The following ZNF28 variants were observed in gnomAD, a reference collection of about 807,000 sequenced individuals.
ZNF28 encodes the protein zinc finger protein 28.
Under a neutral mutation model 7.2 loss-of-function variants are expected in ZNF28, and 5 were observed. That is an observed-to-expected ratio of 0.70 (90% CI 0.36 to 1.46). The LOEUF (loss-of-function observed/expected upper bound fraction) is 1.46. ZNF28 is among the 40% of genes most tolerant of loss of function. ZNF28 has a pLI of 0.03. For synonymous variants in ZNF28, 288 were observed against 292.4 expected (o/e 0.99, Z 0.15); for missense variants, 879 against 866.6 (o/e 1.01, Z -0.18).
intron 2 of ZNF28, among the ~76,000 whole-genome samples, chr19:52,811,733 C>A (rs1295572543): frequency 1.3e-5 from 2 of 149,730 alleles, no homozygotes; most frequent in Admixed American, 1.3e-4. Context: ...CGTCTCCGCC[C>A]GGCAGCCGCC....
At chr19:52,809,828 C>CGGCGGT in intron 2 of ZNF28, 1 of 551,048 alleles carries the variant, frequency 1.8e-6, no homozygotes, top group Non-Finnish European at 3.2e-6. Flanking sequence ...GCGAAGGCGG[C>CGGCGGT]GGCGGCGGCG....
chr19:52,801,877 T>C (rs1418228010), intron 3 of ZNF28, among the ~76,000 whole-genome samples, 175 bp from the exon 4 acceptor site: 1 of 152,202 alleles, frequency 6.6e-6, no homozygotes, highest in African/African-American at 2.4e-5. Context: ...CGATTATATG[T>C]CTTTCAAATC....
rs1034733946 is a variant in ZNF28 at position 52,816,579 on chromosome 19, G to A, written c.15+1365C>T. ...CTTGGGAGGCTGAGGCAGGAGAATG[G>A]CATGAACCCAGGAGGCAGAGCTTGC... On this transcript the variant is annotated intron_variant, in intron 2 of 3. Transcript: ENST00000457749. 2.8e-5 allele frequency among the ~76,000 whole-genome samples: 4 copies of A among 144,932 alleles called. 1 individual carries two copies. The highest frequency in any genetic ancestry group is 1.1e-4 in the African/African-American group (4 of 36,850).
At chr19:52,809,090 G>C (rs1296280007) in intron 2 of ZNF28, among the ~76,000 whole-genome samples, 1 of 152,144 alleles carries the variant, frequency 6.6e-6, no homozygotes, top group Non-Finnish European at 1.5e-5. Context: ...AGCAAGTTTT[G>C]TTTAACTGAA....
intron 2 of ZNF28, 63 bp from the exon 3 acceptor site, chr19:52,808,196 A>G (rs969596203): frequency 6.3e-7 from 1 of 1,596,146 alleles, no homozygotes; most frequent in Non-Finnish European, 8.5e-7. Flanking sequence ...ACAGAAAATG[A>G]CAAGAGAGGG....
intron 2 of ZNF28, chr19:52,810,513 T>G: frequency 6.3e-7 from 1 of 1,591,956 alleles, no homozygotes; most frequent in Non-Finnish European, 8.6e-7. Context: ...GGAAGGCAAA[T>G]CAAGGTGATC....
chr19:52,809,203 TC>T (rs1215919671), intron 2 of ZNF28, among the ~76,000 whole-genome samples: 1 of 152,124 alleles, frequency 6.6e-6, no homozygotes, highest in African/African-American at 2.4e-5. Context: ...GAAGAAGCAA[TC>T]ACCCTTTCAA....
At chr19:52,808,202 GA>G in intron 2 of ZNF28, 69 bp from the exon 3 acceptor site, 1 of 1,591,524 alleles carries the variant, frequency 6.3e-7, no homozygotes, top group Non-Finnish European at 8.5e-7. Context: ...AATGACAAGA[GA>G]GGGGGAAAGC....
intron 2 of ZNF28, among the ~76,000 whole-genome samples, chr19:52,813,854 G>T (rs548450983): frequency 1.4e-5 from 2 of 145,896 alleles, no homozygotes; most frequent in African/African-American, 5.4e-5. Context: ...GTTTTGTTTT[G>T]TCTTCCTTTG....
chr19:52,802,050 T>C lies in ZNF28; in HGVS notation c.143-348A>G, dbSNP rs73588344. ...ATCAAAAAAAGAAAAATATATATTC[T>C]TCATATTTACAGCGTATTTAGTGTA... On this transcript the variant is annotated intron_variant, in intron 3 of 3. Coordinates refer to ENST00000457749, the MANE Select transcript of ZNF28 (RefSeq NM_006969.5). Among the ~76,000 whole-genome samples the C allele has an allele frequency of 2.6e-3, 397 of 152,306 alleles. 4 individuals carry two copies. Among genetic ancestry groups the C allele is most frequent in the African/African-American group, 9.2e-3 (383 of 41,564 alleles).
chr19:52,801,515 T>G lies in ZNF28; in HGVS notation c.330A>C (p.Ala110=). The G allele has an allele frequency of 6.2e-7, 1 of 1,614,174 alleles. No individual in the cohort carries two copies. Reference sequence around the variant, plus strand: ...ACTCTTTGATTTCTGTCATGGGTGCTGCATGGTCATTTGTTTCATCTTCTT... The same window carrying G: ...ACTCTTTGATTTCTGTCATGGGTGCGGCATGGTCATTTGTTTCATCTTCTT... The part of the protein sequence containing the change: ...QWKEDETNDH[A]APMTEIKELT... Residue 110 remains alanine (A), a synonymous_variant, in exon 4 of 4, where the codon GCA becomes GCC. Coordinates refer to ENST00000457749, the MANE Select transcript of ZNF28 (RefSeq NM_006969.5).
chr19:52,801,462 T>C lies in ZNF28; in HGVS notation c.383A>G (p.Gln128Arg). Reference sequence around the variant, plus strand: ...AATATGCTTGTTTCCAGCATGCCTTTGATCATGTTGGCCTGTACTACCAGT... The same window carrying C: ...AATATGCTTGTTTCCAGCATGCCTTCGATCATGTTGGCCTGTACTACCAGT... ...ELTGSTGQHDQRHAGNKHIKD... is the reference protein window; with the variant it reads ...ELTGSTGQHDRRHAGNKHIKD... Residue 128 changes from glutamine (Q) to arginine (R), a missense_variant, in exon 4 of 4, where the codon CAA becomes CGA. Coordinates refer to ENST00000457749, the MANE Select transcript of ZNF28 (RefSeq NM_006969.5). 2 of 1,614,232 alleles carry C rather than the reference T, an allele frequency of 1.2e-6. No individual in the cohort carries two copies. The highest frequency in any genetic ancestry group is 1.7e-6 in the Non-Finnish European group (2 of 1,180,024).
chr19:52,811,128 G>A (rs920891839), intron 2 of ZNF28, among the ~76,000 whole-genome samples: 3 of 149,460 alleles, frequency 2.0e-5, no homozygotes, highest in Non-Finnish European at 4.5e-5. Context: ...TCCTAACCAC[G>A]AGTGATCCGC....
In ZNF28 at chr19:52,803,060, C is replaced by T. The variant is rs1371693179; in HGVS notation, c.143-1358G>A. Among the ~76,000 whole-genome samples the T allele has an allele frequency of 5.3e-5, 8 of 150,650 alleles. No individual in the cohort carries two copies. In the South Asian group the frequency reaches 6.3e-4, roughly 12 times the overall value. On this transcript the variant is annotated intron_variant, in intron 3 of 3. Coordinates refer to ENST00000457749, the MANE Select transcript of ZNF28 (RefSeq NM_006969.5). ...ATAGGCATGAGCCACCGCACACGGC[C>T]GACTTTTAAAAAAAATTTTATGTAT...
intron 2 of ZNF28, among the ~76,000 whole-genome samples, chr19:52,817,520 T>C (rs1355098257): frequency 6.6e-6 from 1 of 152,086 alleles, no homozygotes; most frequent in Non-Finnish European, 1.5e-5. Flanking sequence ...GGAGAAAAGA[T>C]TTTCCCTTAT....
At chr19:52,808,251 G>T in intron 2 of ZNF28, 118 bp from the exon 3 acceptor site, 1 of 1,515,268 alleles carries the variant, frequency 6.6e-7, no homozygotes, top group Non-Finnish European at 8.8e-7. Context: ...ACAAATCCGA[G>T]TGACGGATTT....
chr19:52,810,320 T>G (rs1267552419), intron 2 of ZNF28: 1 of 1,595,914 alleles, frequency 6.3e-7, no homozygotes, highest in African/African-American at 1.3e-5. Flanking sequence ...CCATCAATGC[T>G]GGCAATGTGG....
chr19:52,816,876 G>A (rs998953828), intron 2 of ZNF28, among the ~76,000 whole-genome samples: 11 of 111,906 alleles, frequency 9.8e-5, no homozygotes, highest in East Asian at 2.5e-4. Flanking sequence ...ATAATAAAAC[G>A]TGGAATGAGA....
intron 3 of ZNF28, among the ~76,000 whole-genome samples, chr19:52,803,676 T>C (rs532784892): frequency 2.0e-5 from 3 of 152,242 alleles, no homozygotes; most frequent in East Asian, 3.9e-4. Context: ...AGAATGAGAA[T>C]TGACTAACAG....
Sources: allele counts gnomAD v4.1 joint callset (sites outside exome capture counted in the v4.1 genomes callset), GRCh38; gene constraint gnomAD v4.1.1; transcripts MANE v1.5; gene names NCBI Gene and HGNC (gene_info 2026-07-23, HGNC 2026-07-21).